The following SYT1 variants were observed in gnomAD, a reference collection of about 807,000 sequenced individuals.
The protein encoded by SYT1 is synaptotagmin-1.
A neutral mutation model predicts 44.8 loss-of-function variants in SYT1; 8 were observed. The observed-to-expected ratio is 0.18, with a 90% CI of 0.10 to 0.32. The LOEUF (loss-of-function observed/expected upper bound fraction) is 0.32, where lower values mean the gene tolerates loss of function less well. Among genes scored for constraint, SYT1 ranks in the 10% least tolerant of loss-of-function variants. The probability of loss-of-function intolerance (pLI) is 1.00; values close to 1 mark genes in which losing one functional copy is unlikely to be tolerated. For missense variants in SYT1, 286 were observed against 509.3 expected (o/e 0.56, Z 4.22); for synonymous variants, 154 against 188.8 (o/e 0.82, Z 1.51).
intron 1 of SYT1, among the ~76,000 whole-genome samples, chr12:78,905,677 G>A (rs560982857): frequency 6.6e-6 from 1 of 151,694 alleles, no homozygotes; most frequent in South Asian, 2.1e-4. Flanking sequence ...TTTTATTTCA[G>A]TTTCAATAAA....
chr12:79,013,428 A>G (rs1474571646), intron 2 of SYT1, among the ~76,000 whole-genome samples: 1 of 152,166 alleles, frequency 6.6e-6, no homozygotes, highest in Non-Finnish European at 1.5e-5. Flanking sequence ...AGGAACTCCA[A>G]GAGGGATTAA....
chr12:79,143,614 G>A (rs1869699221), intron 3 of SYT1, among the ~76,000 whole-genome samples: 1 of 152,150 alleles, frequency 6.6e-6, no homozygotes. Flanking sequence ...GTCATTTTAT[G>A]TTGAGTATTA....
rs529347389 is a variant in SYT1 at position 79,436,486 on chromosome 12, A to T, written c.929-7587A>T. Among the ~76,000 whole-genome samples, 26 of 152,260 alleles carry T rather than the reference A, an allele frequency of 1.7e-4. No homozygotes were observed. In the South Asian group the frequency reaches 5.4e-3, roughly 32 times the overall value. On this transcript the variant is annotated intron_variant, in intron 9 of 10. Transcript: ENST00000261205. ...TAGTAGTTAAGAAAAAAGGCAATAT[A>T]ATTATGCTAAATTACCAAAATGAAA...
intron 1 of SYT1, among the ~76,000 whole-genome samples, chr12:78,874,073 A>G (rs1265585206): frequency 6.6e-6 from 1 of 151,674 alleles, no homozygotes; most frequent in Non-Finnish European, 1.5e-5. Flanking sequence ...TGTTTCTTAC[A>G]ATATGTCAGG....
intron 9 of SYT1, among the ~76,000 whole-genome samples, chr12:79,371,496 C>T (rs191449297): frequency 3.3e-5 from 5 of 152,296 alleles, no homozygotes; most frequent in African/African-American, 9.6e-5. Context: ...ACAGCAAATG[C>T]CCTAATGAGC....
At position 79,022,616 on chromosome 12, in the gene SYT1, T is replaced by C. The variant is rs149810636; in HGVS notation, c.-83-24681T>C. On this transcript the variant is annotated intron_variant, in intron 2 of 10. Coordinates refer to ENST00000261205, the MANE Select transcript of SYT1 (RefSeq NM_005639.3). ...TTTGTTTTGTTTTGGAAAATTGTTT[T>C]AAATATATTAATTATGTTACATGTT... Among the ~76,000 whole-genome samples the C allele has an allele frequency of 3.2e-3, 492 of 151,722 alleles. 3 individuals are homozygous for C. Among genetic ancestry groups the C allele is most frequent in the African/African-American group, 0.011 (453 of 41,480 alleles).
chr12:78,955,111 T>A (rs1592601307), intron 1 of SYT1, among the ~76,000 whole-genome samples: 2 of 152,164 alleles, frequency 1.3e-5, no homozygotes, highest in Admixed American at 6.6e-5. Flanking sequence ...TATAAAAGAA[T>A]TTTTTGATGT....
intron 9 of SYT1, among the ~76,000 whole-genome samples, chr12:79,414,251 G>A (rs1196028753): frequency 2.0e-5 from 3 of 152,158 alleles, no homozygotes; most frequent in Non-Finnish European, 4.4e-5. Context: ...CAAATTACTG[G>A]CCTATAAGAA....
chr12:79,089,888 AC>A lies in SYT1; in HGVS notation c.-18+42527del, dbSNP rs369897836. 8.9e-4 allele frequency among the ~76,000 whole-genome samples: 135 copies of A among 152,106 alleles called. 1 individual carries two copies. The South Asian group carries it at 0.022, about 25-fold the overall frequency. ...GGTTCATTTATCTGTACCCTAATTC[AC>A]TCAAAACTCAGAGGAAAAACACATC... On this transcript the variant is annotated intron_variant, in intron 3 of 10. Transcript: ENST00000261205.
At chr12:79,027,584 G>A (rs560120867) in intron 2 of SYT1, among the ~76,000 whole-genome samples, 1 of 151,398 alleles carries the variant, frequency 6.6e-6, no homozygotes, top group East Asian at 2.0e-4. Context: ...TAAATGCATT[G>A]GGCAGGTTGA....
Position 79,021,604 on chromosome 12 carries a change from T to C in SYT1, c.-83-25693T>C, listed in dbSNP as rs556237831. Among the ~76,000 whole-genome samples the C allele has an allele frequency of 2.6e-5, 4 of 151,962 alleles. No homozygotes were observed. The East Asian group carries it at 5.8e-4, about 22-fold the overall frequency. On this transcript the variant is annotated intron_variant, in intron 2 of 10. Coordinates refer to ENST00000261205, the MANE Select transcript of SYT1 (RefSeq NM_005639.3). Reference sequence around the variant, plus strand: ...TTATAAAAAAAGAACCATAGCATCATACAATTTGAGAACTGAAAGGATGAT... The same window carrying C: ...TTATAAAAAAAGAACCATAGCATCACACAATTTGAGAACTGAAAGGATGAT...
chr12:78,949,030 A>G (rs889456702), intron 1 of SYT1, among the ~76,000 whole-genome samples: 1 of 150,554 alleles, frequency 6.6e-6, no homozygotes, highest in African/African-American at 2.4e-5. Flanking sequence ...GGTTTCTTGA[A>G]TTGGGTCACT....
intron 1 of SYT1, among the ~76,000 whole-genome samples, chr12:78,870,934 C>T (rs1247506804): frequency 6.6e-6 from 1 of 151,936 alleles, no homozygotes; most frequent in South Asian, 2.1e-4. Context: ...TTTTAAAATG[C>T]GATACTGAAT....
At chr12:78,885,100 T>C (rs1251022736) in intron 1 of SYT1, among the ~76,000 whole-genome samples, 4 of 152,004 alleles carry the variant, frequency 2.6e-5, no homozygotes, top group Non-Finnish European at 5.9e-5. Context: ...AGTATCTAGA[T>C]GATTTATTAC....
chr12:79,199,698 C>T (rs74576436), intron 3 of SYT1, among the ~76,000 whole-genome samples: 2,092 of 152,216 alleles, frequency 0.014, 49 homozygotes, highest in Admixed American at 0.064. Flanking sequence ...TCCCTTATAA[C>T]AGAGTAATGC....
chr12:79,337,440 T>G (rs1479425656), intron 8 of SYT1, among the ~76,000 whole-genome samples: 1 of 152,190 alleles, frequency 6.6e-6, no homozygotes, highest in Non-Finnish European at 1.5e-5. Flanking sequence ...ACATCCTAGC[T>G]TCTGAGCTTT....
At chr12:79,300,789 T>TTTTATATATATAAATATATATATA (rs1490670835) in intron 8 of SYT1, among the ~76,000 whole-genome samples, 1 of 89,624 alleles carries the variant, frequency 1.1e-5, no homozygotes, top group Non-Finnish European at 2.2e-5. Context: ...TGTATACTTA[T>TTTTATATATATAAATATATATATA]TATATATATA....
chr12:79,405,821 T>C (rs1221716258), intron 9 of SYT1, among the ~76,000 whole-genome samples: 1 of 152,052 alleles, frequency 6.6e-6, no homozygotes, highest in Non-Finnish European at 1.5e-5. Context: ...TCCATGATTG[T>C]CTCCTCATGG....
chr12:79,138,220 C>T (rs1352093687), intron 3 of SYT1, among the ~76,000 whole-genome samples: 2 of 152,078 alleles, frequency 1.3e-5, no homozygotes, highest in African/African-American at 4.8e-5. Flanking sequence ...CTAAAATACA[C>T]AGAAAAAACT....
Sources: allele counts gnomAD v4.1 joint callset (sites outside exome capture counted in the v4.1 genomes callset), GRCh38; gene constraint gnomAD v4.1.1; transcripts MANE v1.5; gene names NCBI Gene and HGNC (gene_info 2026-07-23, HGNC 2026-07-21).